Variants in MAPK8IP3 observed in about 807,000 individuals in gnomAD.
The protein encoded by MAPK8IP3 is C-Jun-amino-terminal kinase-interacting protein 3.
MAPK8IP3 carries 49 observed loss-of-function variants against 157.8 expected under a neutral mutation model. That is an observed-to-expected ratio of 0.31 (90% confidence interval 0.25 to 0.39). MAPK8IP3 has a LOEUF of 0.39. Ranked by LOEUF, MAPK8IP3 falls within the 10% of genes least tolerant of loss-of-function variation. The probability of loss-of-function intolerance (pLI) is 1.00; values close to 1 mark genes in which losing one functional copy is unlikely to be tolerated. For missense variants in MAPK8IP3, 1,478 were observed against 1,889.4 expected (o/e 0.78, Z 4.04); for synonymous variants, 897 against 777.7 (o/e 1.15, Z -2.55).
rs1439512709 is a variant in MAPK8IP3, at chr16:1,706,199, T to C, written c.-141T>C. On this transcript the variant is annotated 5_prime_UTR_variant, in exon 1 of 32. Coordinates refer to ENST00000610761, the MANE Select transcript of MAPK8IP3 (RefSeq NM_001318852.2). This position sits in a 1 kb window ranked among gnomAD's most constrained non-coding sequence, Gnocchi z 5.1. ...CGGTGAGTGAGTGACGGGCGCAGCC[T>C]CGGCAGCGGCGGCGGCGGAGCCCTG... The C allele has an allele frequency of 7.8e-6, 5 of 637,694 alleles. No homozygotes were observed. The highest frequency in any genetic ancestry group is 4.6e-5 in the Admixed American group (1 of 21,960). The allele number at this position is 637,694 out of a possible 1,614,324, so 39.5% of individuals were successfully genotyped here. A position where few individuals can be genotyped will look rare whatever the true frequency, so the allele number is the denominator to read the frequency against.
chr16:1,720,542 A>G (rs1417780701), intron 1 of MAPK8IP3, among the ~76,000 whole-genome samples: 1 of 152,144 alleles, frequency 6.6e-6, no homozygotes, highest in African/African-American at 2.4e-5. Context: ...GTACAAGATG[A>G]TCGTACATCT....
At chr16:1,739,501 TGTGA>T (rs1325345590) in intron 4 of MAPK8IP3, among the ~76,000 whole-genome samples, 23 of 111,906 alleles carry the variant, frequency 2.1e-4, no homozygotes, top group South Asian at 7.9e-4. Flanking sequence ...TGACCGTTCG[TGTGA>T]GTGTGTGACC....
At chr16:1,755,346 A>G (rs2041531396) in intron 8 of MAPK8IP3, among the ~76,000 whole-genome samples, 1 of 152,190 alleles carries the variant, frequency 6.6e-6, no homozygotes, top group Non-Finnish European at 1.5e-5. Flanking sequence ...TGGATTAAAG[A>G]TCTAAGTACA....
rs759108343 is a variant in MAPK8IP3, at chr16:1,766,036, T to G, written c.2523T>G (p.Asp841Glu). ...SDVNPEDPGA[D>E]GVLAGITLVG... Reference sequence around the variant, plus strand: ...TGAACCCAGAGGACCCGGGCGCAGATGGCGTGCTGGCCGGTATCACCCTGG... The same window carrying G: ...TGAACCCAGAGGACCCGGGCGCAGAGGGCGTGCTGGCCGGTATCACCCTGG... Residue 841 changes from aspartate to glutamate, a missense_variant, in exon 21 of 32, where the codon GAT becomes GAG. By Grantham distance (45) the Asp-to-Glu change is conservative (BLOSUM62 2). Around this residue, in one of 11 missense-constraint regions of MAPK8IP3, gnomAD observed 669 missense variants for 759.8 expected, o/e 0.88. Transcript: ENST00000610761. The G allele has an allele frequency of 1.6e-5, 25 of 1,612,692 alleles. No homozygotes were observed. In the South Asian group the frequency reaches 2.6e-4, roughly 17 times the overall value.
chr16:1,739,103 AC>A (rs1365752122), intron 4 of MAPK8IP3, among the ~76,000 whole-genome samples: 2 of 122,384 alleles, frequency 1.6e-5, no homozygotes, highest in East Asian at 5.2e-4. Context: ...CATCTGTGTG[AC>A]CGTCTGTGTG....
rs2040814534 is a variant in MAPK8IP3 at position 1,743,766 on chromosome 16, G to C, written c.747+290G>C. 2 of 1,310,102 alleles carry C rather than the reference G, an allele frequency of 1.5e-6. No homozygotes were observed. The highest frequency in any genetic ancestry group is 1.9e-6 in the Non-Finnish European group (2 of 1,033,556). The allele number at this position is 1,310,102 out of a possible 1,614,324, so 81.2% of individuals were successfully genotyped here. On this transcript the variant is annotated intron_variant, in intron 5 of 31. Coordinates refer to ENST00000610761, the MANE Select transcript of MAPK8IP3 (RefSeq NM_001318852.2). The surrounding 1 kb of genome is among the most constrained non-coding windows in gnomAD (Gnocchi z 5.6). ...ACCGCTCTGTAGCCAGGGGTGTACA[G>C]TGCCTGTCAGGGTTGAGCTTAGTGA...
chr16:1,754,355 A>G (rs2041471400), intron 8 of MAPK8IP3, among the ~76,000 whole-genome samples: 1 of 152,196 alleles, frequency 6.6e-6, no homozygotes, highest in Non-Finnish European at 1.5e-5. Flanking sequence ...AAGTTATACT[A>G]TGTGCCTTGC....
At chr16:1,720,578 A>G (rs1415483458) in intron 1 of MAPK8IP3, among the ~76,000 whole-genome samples, 2 of 152,226 alleles carry the variant, frequency 1.3e-5, no homozygotes, top group East Asian at 1.9e-4. Flanking sequence ...ATACAAATCC[A>G]GAAGCACGTC....
chr16:1,754,753 C>T (rs138693144), intron 8 of MAPK8IP3, among the ~76,000 whole-genome samples: 1,817 of 140,106 alleles, frequency 0.013, 16 homozygotes, highest in Non-Finnish European at 0.018. Context: ...AGCGAGACTC[C>T]GTCTCAAAAA....
chr16:1,738,371 A>G (rs1224229071), intron 4 of MAPK8IP3, among the ~76,000 whole-genome samples: 1 of 82,328 alleles, frequency 1.2e-5, no homozygotes, highest in Admixed American at 1.7e-4. Context: ...TGTGAGTGTG[A>G]CCATCCATGT....
intron 4 of MAPK8IP3, among the ~76,000 whole-genome samples, chr16:1,733,575 T>C (rs1050116103): frequency 6.6e-6 from 1 of 152,174 alleles, no homozygotes; most frequent in African/African-American, 2.4e-5. Flanking sequence ...GAACCTGCTG[T>C]CGAGGTGTCC....
intron 4 of MAPK8IP3, among the ~76,000 whole-genome samples, chr16:1,739,403 TCC>T (rs2040447966): frequency 1.4e-5 from 2 of 144,262 alleles, no homozygotes; most frequent in Non-Finnish European, 3.0e-5. Context: ...CGTGTGACCG[TCC>T]ATGTGAGCAT....
intron 9 of MAPK8IP3, among the ~76,000 whole-genome samples, chr16:1,758,536 G>A (rs1432733989): frequency 2.6e-5 from 4 of 152,152 alleles, no homozygotes; most frequent in Non-Finnish European, 5.9e-5. Flanking sequence ...GCCCAGCCCG[G>A]GGTCCCCTCC....
In MAPK8IP3 at chr16:1,762,347, G is replaced by T. The variant is rs759256500; in HGVS notation, c.1540-4G>T. The T allele has an allele frequency of 6.4e-6, 10 of 1,567,976 alleles. No homozygotes were observed. The highest frequency in any genetic ancestry group is 1.4e-5 in the African/African-American group (1 of 73,852). ...GCTGAGCCTCTGTGCCCCTCCCTCC[G>T]CAGGACAAAATCCCCATGGCCCAGC... On this transcript the variant is annotated splice_region_variant and splice_polypyrimidine_tract_variant and intron_variant, in intron 13 of 31. Transcript: ENST00000610761.
rs148417656 is a variant in MAPK8IP3 at position 1,724,057 on chromosome 16, G to A, written c.319-500G>A. 1.1e-4 allele frequency among the ~76,000 whole-genome samples: 16 copies of A among 152,320 alleles called. No individual in the cohort carries two copies. The East Asian group carries it at 2.3e-3, about 22-fold the overall frequency. On this transcript the variant is annotated intron_variant, in intron 1 of 31. Coordinates refer to ENST00000610761, the MANE Select transcript of MAPK8IP3 (RefSeq NM_001318852.2). This position sits in a 1 kb window ranked among gnomAD's most constrained non-coding sequence, Gnocchi z 4.1. ...AGTAGGCTCAACCTTGTTCTTAGGC[G>A]TGGAGTTGAGGGGAGTCAGATGACT...
chr16:1,725,304 G>A (rs894716523), intron 2 of MAPK8IP3, among the ~76,000 whole-genome samples: 9 of 151,170 alleles, frequency 6.0e-5, no homozygotes, highest in South Asian at 4.2e-4. Flanking sequence ...TGATACTGCC[G>A]TGTGGGCACA....
chr16:1,719,761 G>A (rs769182397), intron 1 of MAPK8IP3, among the ~76,000 whole-genome samples: 5 of 151,790 alleles, frequency 3.3e-5, no homozygotes, highest in Non-Finnish European at 5.9e-5. Flanking sequence ...TGGGAGGATC[G>A]CTTGAGCCCG....
intron 4 of MAPK8IP3, among the ~76,000 whole-genome samples, chr16:1,738,643 T>C: frequency 8.5e-6 from 1 of 117,308 alleles, no homozygotes; most frequent in African/African-American, 3.3e-5. Flanking sequence ...CGTGTGAGCG[T>C]CCGTGTGAGT....
intron 4 of MAPK8IP3, among the ~76,000 whole-genome samples, chr16:1,735,350 G>A (rs566774761): frequency 2.1e-4 from 32 of 151,518 alleles, no homozygotes; most frequent in African/African-American, 6.3e-4. Flanking sequence ...CCATGTGAGC[G>A]TGTGAGCGTC....
Sources: gnomAD v4.1 joint callset for allele counts (sites outside exome capture counted in the v4.1 genomes callset) on GRCh38, gnomAD v4.1.1 for gene constraint, gnomAD v4.1.1 regional missense constraint, Gnocchi (gnomAD v3.1) non-coding constraint, MANE v1.5 for transcripts, NCBI Gene and HGNC (gene_info 2026-07-23, HGNC 2026-07-21) for gene names.